The following CPNE4 variants were observed in gnomAD, a reference collection of about 807,000 sequenced individuals.
CPNE4 encodes copine-4.
A neutral mutation model predicts 67.9 loss-of-function variants in CPNE4; 25 were observed. That is an observed-to-expected ratio of 0.37 (90% CI 0.27 to 0.51). The LOEUF is 0.51. Among genes scored for constraint, CPNE4 ranks in the 20% least tolerant of loss-of-function variants. CPNE4 has a pLI of 0.93. For missense variants in CPNE4, 464 were observed against 690.8 expected (o/e 0.67, Z 3.68); for synonymous variants, 242 against 244.9 (o/e 0.99, Z 0.11).
intron 1 of CPNE4, among the ~76,000 whole-genome samples, chr3:132,011,710 T>C (rs566838688): frequency 2.0e-4 from 30 of 152,374 alleles, no homozygotes; most frequent in African/African-American, 6.5e-4. Context: ...ACTACTGTAA[T>C]ACTGCATGTG....
chr3:132,030,475 A>G (rs2074213707), intron 1 of CPNE4, among the ~76,000 whole-genome samples: 1 of 152,210 alleles, frequency 6.6e-6, no homozygotes, highest in African/African-American at 2.4e-5. Flanking sequence ...CACAGTTTAG[A>G]GATGAGTCCA....
At chr3:131,952,191 T>C (rs1431323552) in intron 1 of CPNE4, among the ~76,000 whole-genome samples, 4 of 144,370 alleles carry the variant, frequency 2.8e-5, no homozygotes, top group Non-Finnish European at 1.5e-5. Context: ...TCGTCTGAGA[T>C]GTGGGGAGCG....
chr3:131,726,371 TG>T (rs1338384346), intron 2 of CPNE4, among the ~76,000 whole-genome samples: 1 of 152,142 alleles, frequency 6.6e-6, no homozygotes, highest in Non-Finnish European at 1.5e-5. Flanking sequence ...AATGACAAGA[TG>T]GAAAGACATT....
At chr3:132,004,221 A>G (rs1406616448) in intron 1 of CPNE4, among the ~76,000 whole-genome samples, 5 of 152,166 alleles carry the variant, frequency 3.3e-5, no homozygotes, top group African/African-American at 4.8e-5. Flanking sequence ...ATCTATGTCT[A>G]TATAAAATGT....
intron 2 of CPNE4, among the ~76,000 whole-genome samples, chr3:131,805,302 C>T (rs1056138409): frequency 6.6e-6 from 1 of 152,186 alleles, no homozygotes; most frequent in African/African-American, 2.4e-5. Context: ...AGCTCTCGTG[C>T]TTCCCATGTT....
chr3:131,666,688 AAACAGACC>A (rs1321041512), intron 7 of CPNE4, among the ~76,000 whole-genome samples: 1 of 152,216 alleles, frequency 6.6e-6, no homozygotes, highest in Non-Finnish European at 1.5e-5. Context: ...TCTTGCCAGA[AAACAGACC>A]CTGAAATCTG....
intron 7 of CPNE4, among the ~76,000 whole-genome samples, chr3:131,603,755 A>G (rs1939341968): frequency 6.6e-6 from 1 of 152,174 alleles, no homozygotes; most frequent in Non-Finnish European, 1.5e-5. Context: ...TTGAAGAAAG[A>G]GTCTCAGCAT....
rs562689825 is a variant in CPNE4 at position 131,686,626 on chromosome 3, G to C, written c.508-668C>G. Among the ~76,000 whole-genome samples, 6 of 152,186 alleles carry C rather than the reference G, an allele frequency of 3.9e-5. No homozygotes were observed. The East Asian group carries it at 1.2e-3, about 29-fold the overall frequency. On this transcript the variant is annotated intron_variant, in intron 5 of 15. Coordinates refer to ENST00000429747, the MANE Select transcript of CPNE4 (RefSeq NM_130808.3). ...CATTTCTGATTTCCTTTACTCCTTG[G>C]GTATAGTCCTAAAAGGACCCTAACT... is the stretch of plus-strand genomic sequence containing the variant.
intron 6 of CPNE4, among the ~76,000 whole-genome samples, chr3:131,673,806 C>T (rs916824466): frequency 8.6e-5 from 13 of 152,020 alleles, no homozygotes; most frequent in African/African-American, 2.9e-4. Flanking sequence ...CCCTTTATTT[C>T]TTTCTCTTCT....
chr3:131,659,223 C>T (rs1430429951), intron 7 of CPNE4, among the ~76,000 whole-genome samples: 1 of 152,170 alleles, frequency 6.6e-6, no homozygotes, highest in Non-Finnish European at 1.5e-5. Context: ...AGTAGTGAGT[C>T]CTGTCAATTT....
intron 1 of CPNE4, among the ~76,000 whole-genome samples, chr3:131,929,502 T>G (rs747240642): frequency 6.6e-6 from 1 of 152,076 alleles, no homozygotes; most frequent in Non-Finnish European, 1.5e-5. Flanking sequence ...GGGAAATACA[T>G]AAAAAATCAG....
At chr3:131,649,233 A>G (rs1406437780) in intron 7 of CPNE4, among the ~76,000 whole-genome samples, 1 of 152,238 alleles carries the variant, frequency 6.6e-6, no homozygotes, top group African/African-American at 2.4e-5. Flanking sequence ...AGAACTTTAT[A>G]GTCAGGTAAC....
chr3:131,859,253 G>A lies in CPNE4; in HGVS notation c.180+46011C>T, dbSNP rs9848661. Reference sequence around the variant, plus strand: ...ACTCCATTTTATTTCTAAAATATGAGAATTTATATGGTAACCTCATCCATG... The same window carrying A: ...ACTCCATTTTATTTCTAAAATATGAAAATTTATATGGTAACCTCATCCATG... On this transcript the variant is annotated intron_variant, in intron 2 of 15. Transcript: ENST00000429747. Among the ~76,000 whole-genome samples, 68 of 151,954 alleles carry A rather than the reference G, an allele frequency of 4.5e-4. 1 individual carries two copies. The highest frequency in any genetic ancestry group is 1.6e-3 in the African/African-American group (68 of 41,494).
At chr3:131,949,475 T>C (rs989526311) in intron 1 of CPNE4, among the ~76,000 whole-genome samples, 13 of 152,196 alleles carry the variant, frequency 8.5e-5, no homozygotes, top group South Asian at 6.2e-4. Context: ...TGCAAAGTTT[T>C]AGGAGTACCA....
At chr3:131,661,759 T>A (rs1431151734) in intron 7 of CPNE4, among the ~76,000 whole-genome samples, 1 of 152,126 alleles carries the variant, frequency 6.6e-6, no homozygotes, top group Admixed American at 6.6e-5. Flanking sequence ...TCCAAGGATT[T>A]TTTTTTTCCT....
intron 7 of CPNE4, among the ~76,000 whole-genome samples, chr3:131,621,542 A>G (rs1314932232): frequency 6.6e-6 from 1 of 152,122 alleles, no homozygotes; most frequent in Non-Finnish European, 1.5e-5. Context: ...CACCATGCCC[A>G]GCCCTCTCTT....
In CPNE4 at chr3:131,772,061, G is replaced by A. The variant is rs144225786; in HGVS notation, c.181-48436C>T. On this transcript the variant is annotated intron_variant, in intron 2 of 15. Coordinates refer to ENST00000429747, the MANE Select transcript of CPNE4 (RefSeq NM_130808.3). ...ATGAACAGGCAATGAACGGAGTGAG[G>A]CTACAGTGAAGTTCGTGGAGGGAGA... is the stretch of plus-strand genomic sequence containing the variant. 3.3e-5 allele frequency among the ~76,000 whole-genome samples: 5 copies of A among 152,208 alleles called. No homozygotes were observed. In the East Asian group the frequency reaches 7.7e-4, roughly 24 times the overall value.
chr3:131,999,241 T>TAAAAAAAAAAAAAAAAAAAAAAA lies in CPNE4; in HGVS notation c.-2+35303_-2+35325dup, dbSNP rs79127364. 1.9e-4 allele frequency among the ~76,000 whole-genome samples: 19 copies of TAAAAAAAAAAAAAAAAAAAAAAA among 98,814 alleles called. 1 individual carries two copies. Among genetic ancestry groups the TAAAAAAAAAAAAAAAAAAAAAAA allele is most frequent in the African/African-American group, 4.3e-4 (8 of 18,688 alleles). The allele number at this position is 98,814 out of a possible 152,430, so 64.8% of individuals were successfully genotyped here. ...CTCAATTATAGGTATTTATCCAAGG[T>TAAAAAAAAAAAAAAAAAAAAAAA]AAAAAAAAAAAAAAAAAAAAAAAGA... On this transcript the variant is annotated intron_variant, in intron 1 of 15. Transcript: ENST00000429747.
intron 2 of CPNE4, among the ~76,000 whole-genome samples, chr3:131,762,267 T>C (rs2082906960): frequency 6.6e-6 from 1 of 152,018 alleles, no homozygotes. Context: ...TCTAAATCTA[T>C]TATATGACAT....
Sources: gnomAD v4.1 joint callset for allele counts (sites outside exome capture counted in the v4.1 genomes callset) on GRCh38, gnomAD v4.1.1 for gene constraint, MANE v1.5 for transcripts, NCBI Gene and HGNC (gene_info 2026-07-23, HGNC 2026-07-21) for gene names.